VPS35L: variants seen among roughly 807,000 people sequenced by gnomAD.
The protein encoded by VPS35L is VPS35 endosomal protein-sorting factor-like.
In VPS35L, 83 loss-of-function variants were observed where a neutral mutation model predicts 133.0. The ratio of observed to expected loss-of-function variants is 0.62; its 90% CI spans 0.52 to 0.75. The LOEUF is 0.75. Ranked by LOEUF, VPS35L falls within the 30% of genes least tolerant of loss-of-function variation. The pLI, the probability that VPS35L is intolerant of heterozygous loss-of-function variation, is 0.00. For missense variants in VPS35L, 1,083 were observed against 1,206.8 expected, an observed-to-expected ratio of 0.90 and a Z score of 1.52; for synonymous variants, 423 against 449.9, an observed-to-expected ratio of 0.94 and a Z score of 0.76.
intron 22 of VPS35L, among the ~76,000 whole-genome samples, chr16:19,643,780 T>C (rs1973856961): frequency 6.9e-6 from 1 of 144,426 alleles, no homozygotes; most frequent in Non-Finnish European, 1.5e-5. Context: ...ACCCCGTCTC[T>C]ACTTTAAAAA....
At chr16:19,563,575 GC>G (rs1375042024) in intron 1 of VPS35L, among the ~76,000 whole-genome samples, 1 of 152,094 alleles carries the variant, frequency 6.6e-6, no homozygotes, top group Non-Finnish European at 1.5e-5. Context: ...TCTTCACGTT[GC>G]TTGTGTCTTT....
intron 30 of VPS35L, 114 bp from the exon 31 acceptor site, chr16:19,700,264 A>G (rs1976075643): frequency 1.1e-6 from 1 of 885,280 alleles, no homozygotes; most frequent in Non-Finnish European, 1.8e-6. Context: ...TCCCTCAAAA[A>G]ACTCACTCTT....
chr16:19,555,712 G>T lies in VPS35L; in HGVS notation c.-18G>T. 1 of 1,603,958 alleles carries T rather than the reference G, an allele frequency of 6.2e-7. No individual in the cohort carries two copies. Among genetic ancestry groups the T allele is most frequent in the Non-Finnish European group, 8.5e-7 (1 of 1,175,564 alleles). ...CCGAGCAGACGGCCCCAGAACAAGC[G>T]GTCATGTGACTGGGAAGATGGCCGT... is the stretch of plus-strand genomic sequence containing the variant. On this transcript the variant is annotated 5_prime_UTR_variant, in exon 1 of 31. Transcript: ENST00000417362.
At chr16:19,649,978 A>G (rs1974074183) in intron 24 of VPS35L, among the ~76,000 whole-genome samples, 1 of 152,158 alleles carries the variant, frequency 6.6e-6, no homozygotes, top group Admixed American at 6.5e-5. Context: ...GGTACTGTAT[A>G]GCTGAATGGT....
intron 22 of VPS35L, 76 bp downstream of exon 22, chr16:19,642,552 G>A: frequency 1.7e-6 from 2 of 1,179,940 alleles, no homozygotes; most frequent in South Asian, 1.5e-5. Context: ...GGGAATGACT[G>A]CTTTAAGCTG....
intron 26 of VPS35L, among the ~76,000 whole-genome samples, chr16:19,663,669 C>CTTTTTTTTTTT (rs59826351): frequency 2.8e-4 from 18 of 63,920 alleles, no homozygotes; most frequent in African/African-American, 1.0e-3. Flanking sequence ...GCAGTAATTT[C>CTTTTTTTTTTT]TTTTTTTTTT....
At chr16:19,645,417 G>A (rs1265868651) in intron 23 of VPS35L, among the ~76,000 whole-genome samples, 1 of 151,976 alleles carries the variant, frequency 6.6e-6, no homozygotes, top group Non-Finnish European at 1.5e-5. Context: ...AGCCTCCCGA[G>A]TAGCTGGGAC....
chr16:19,590,145 C>A (rs1349126514), intron 7 of VPS35L, among the ~76,000 whole-genome samples: 7 of 34,630 alleles, frequency 2.0e-4, no homozygotes, highest in Non-Finnish European at 3.7e-4. Context: ...CCCCGCCCCC[C>A]CCCCCCCCCC....
At chr16:19,636,206 A>AAAT (rs536284003) in intron 19 of VPS35L, among the ~76,000 whole-genome samples, 15 of 152,252 alleles carry the variant, frequency 9.9e-5, no homozygotes, top group African/African-American at 3.6e-4. Flanking sequence ...ATAATAAAAC[A>AAAT]AATAATAATA....
At chr16:19,612,695 A>G (rs1377285006) in intron 12 of VPS35L, among the ~76,000 whole-genome samples, 1 of 152,244 alleles carries the variant, frequency 6.6e-6, no homozygotes, top group Non-Finnish European at 1.5e-5. Context: ...TCTTCTGCAA[A>G]TAATTCTGGT....
chr16:19,637,746 C>A, intron 20 of VPS35L, 90 bp downstream of exon 20: 4 of 874,838 alleles, frequency 4.6e-6, no homozygotes, highest in South Asian at 1.9e-5. Context: ...TGCCCCAGGC[C>A]AAAAGAAATA....
At chr16:19,613,054 A>C (rs1192534183) in intron 12 of VPS35L, among the ~76,000 whole-genome samples, 4 of 152,318 alleles carry the variant, frequency 2.6e-5, no homozygotes, top group Middle Eastern at 3.4e-3. Context: ...TAATCCCAGC[A>C]TTTTGGGAGG....
At chr16:19,663,669 CTTTTTTT>C (rs59826351) in intron 26 of VPS35L, among the ~76,000 whole-genome samples, 18 of 63,916 alleles carry the variant, frequency 2.8e-4, no homozygotes, top group South Asian at 6.1e-4. Context: ...GCAGTAATTT[CTTTTTTT>C]TTTTTTTTTT....
At chr16:19,559,965 A>G (rs1970976126) in intron 1 of VPS35L, among the ~76,000 whole-genome samples, 1 of 152,204 alleles carries the variant, frequency 6.6e-6, no homozygotes, top group Non-Finnish European at 1.5e-5. Context: ...GGCCTCCCAA[A>G]GTGCTGGGAT....
At chr16:19,565,467 T>C (rs7184497) in intron 2 of VPS35L, among the ~76,000 whole-genome samples, 54,744 of 152,056 alleles carry the variant, frequency 0.36, 11,227 homozygotes, top group African/African-American at 0.55. Flanking sequence ...CTCAGCCTCC[T>C]GAGTAGCTGG....
intron 14 of VPS35L, among the ~76,000 whole-genome samples, chr16:19,621,959 TATGTGTGTGTGTATGTGTGC>T (rs1244596441): frequency 1.3e-5 from 2 of 152,018 alleles, no homozygotes; most frequent in African/African-American, 4.8e-5. Flanking sequence ...AGGTCTCATT[TATGTGTGTGTGTATGTGTGC>T]ATGTGTGTGT....
At chr16:19,590,294 G>T (rs1397849539) in intron 7 of VPS35L, among the ~76,000 whole-genome samples, 2 of 152,062 alleles carry the variant, frequency 1.3e-5, no homozygotes, top group Non-Finnish European at 2.9e-5. Context: ...GAAAACACAT[G>T]TCAACCTATC....
At chr16:19,602,676 C>A (rs565474057) in intron 9 of VPS35L, among the ~76,000 whole-genome samples, 1 of 152,090 alleles carries the variant, frequency 6.6e-6, no homozygotes, top group Non-Finnish European at 1.5e-5. Context: ...AATCTTGGCT[C>A]GCTGCAGCCT....
chr16:19,560,230 C>T (rs1456870749), intron 1 of VPS35L, among the ~76,000 whole-genome samples: 4 of 152,136 alleles, frequency 2.6e-5, no homozygotes, highest in African/African-American at 7.2e-5. Context: ...TTAGTACCTA[C>T]CTTATTGGGT....
Sources: gnomAD v4.1 joint callset for allele counts (sites outside exome capture counted in the v4.1 genomes callset) on GRCh38, gnomAD v4.1.1 for gene constraint, MANE v1.5 for transcripts, NCBI Gene and HGNC (gene_info 2026-07-23, HGNC 2026-07-21) for gene names.